Variants in CCDC141 observed in about 807,000 individuals in gnomAD.
The protein encoded by CCDC141 is coiled-coil domain-containing protein 141.
CCDC141 carries 168 observed loss-of-function variants against 181.0 expected under a neutral mutation model. The observed-to-expected ratio is 0.93, with a 90% CI of 0.82 to 1.05. The LOEUF is 1.05. CCDC141 is among the 50% of genes least tolerant of loss of function. The pLI, the probability that CCDC141 is intolerant of heterozygous loss-of-function variation, is 0.00. For missense variants in CCDC141, 1,902 were observed against 1,788.5 expected, an observed-to-expected ratio of 1.06 and a Z score of -1.14; for synonymous variants, 666 against 642.3, an observed-to-expected ratio of 1.04 and a Z score of -0.56.
At chr2:178,924,896 C>G (rs1216029048) in intron 6 of CCDC141, among the ~76,000 whole-genome samples, 1 of 152,204 alleles carries the variant, frequency 6.6e-6, no homozygotes. Flanking sequence ...AGAACTCCAG[C>G]TAGAGTGGTA....
At chr2:178,980,412 T>A (rs1691322062) in intron 2 of CCDC141, among the ~76,000 whole-genome samples, 1 of 151,932 alleles carries the variant, frequency 6.6e-6, no homozygotes, top group African/African-American at 2.4e-5. Context: ...ATCGTGCCAC[T>A]GCACTCCAGC....
At chr2:178,972,964 G>A (rs187690468) in intron 4 of CCDC141, among the ~76,000 whole-genome samples, 141 of 152,256 alleles carry the variant, frequency 9.3e-4, no homozygotes, top group African/African-American at 3.3e-3. Flanking sequence ...TTTGATTATA[G>A]TTTTTCCAGC....
At chr2:178,962,495 T>G (rs1448826238) in intron 4 of CCDC141, among the ~76,000 whole-genome samples, 1 of 152,202 alleles carries the variant, frequency 6.6e-6, no homozygotes, top group Non-Finnish European at 1.5e-5. Flanking sequence ...ATGTGCAGTC[T>G]TCTCTTAATT....
chr2:178,825,855 T>C (rs1684115283), downstream of CCDC141, among the ~76,000 whole-genome samples: 1 of 152,192 alleles, frequency 6.6e-6, no homozygotes, highest in Non-Finnish European at 1.5e-5. Flanking sequence ...TGCTATACTC[T>C]GATTAGTTCC....
intron 2 of CCDC141, among the ~76,000 whole-genome samples, chr2:179,037,536 A>C (rs775081061): frequency 4.6e-5 from 7 of 152,352 alleles, no homozygotes; most frequent in Non-Finnish European, 1.0e-4. Context: ...ATTCTTAAAG[A>C]ATATCATCAA....
At chr2:178,910,454 A>G (rs1011433196) in intron 7 of CCDC141, among the ~76,000 whole-genome samples, 2 of 152,210 alleles carry the variant, frequency 1.3e-5, no homozygotes, top group Non-Finnish European at 2.9e-5. Context: ...CTAAGTGCTG[A>G]GTTGAGTCTA....
At chr2:178,915,973 T>C (rs1222875529) in intron 7 of CCDC141, among the ~76,000 whole-genome samples, 1 of 152,198 alleles carries the variant, frequency 6.6e-6, no homozygotes, top group Non-Finnish European at 1.5e-5. Flanking sequence ...TGTGGCATGC[T>C]GACACTCTGG....
intron 12 of CCDC141, chr2:178,873,742 T>C (rs1287986747): frequency 6.6e-6 from 1 of 152,228 alleles, no homozygotes; most frequent in Non-Finnish European, 1.5e-5. Flanking sequence ...AACACAGTAC[T>C]CATTTTACTT....
the CCDC141 span, among the ~76,000 whole-genome samples, chr2:178,822,429 G>GAA: frequency 1.7e-3 from 252 of 144,088 alleles, 1 homozygote; most frequent in Middle Eastern, 0.029. Context: ...AATCCCTCCT[G>GAA]AAAAAAAAAA....
At chr2:178,884,251 A>C (rs1269497999) in intron 11 of CCDC141, among the ~76,000 whole-genome samples, 3 of 151,434 alleles carry the variant, frequency 2.0e-5, no homozygotes, top group African/African-American at 4.9e-5. Flanking sequence ...AAAAAAAAAA[A>C]AAAACCAGAA....
chr2:179,049,455 T>C (rs1191508550), intron 1 of CCDC141, among the ~76,000 whole-genome samples: 1 of 152,030 alleles, frequency 6.6e-6, no homozygotes, highest in South Asian at 2.1e-4. Flanking sequence ...CTCTCAAAAA[T>C]CACAAGCATT....
intron 16 of CCDC141, among the ~76,000 whole-genome samples, chr2:178,867,650 G>T (rs1330147713): frequency 6.6e-6 from 1 of 151,956 alleles, no homozygotes; most frequent in Non-Finnish European, 1.5e-5. Context: ...CTATACTGAA[G>T]ATCAATTTTT....
At chr2:179,033,217 TA>T (rs2043049021) in intron 2 of CCDC141, among the ~76,000 whole-genome samples, 2 of 150,894 alleles carry the variant, frequency 1.3e-5, no homozygotes, top group African/African-American at 4.8e-5. Context: ...AAACCATGTA[TA>T]AAAATATTCA....
intron 17 of CCDC141, among the ~76,000 whole-genome samples, chr2:178,860,543 CTTTTTTTTTTTTT>C (rs71023458): frequency 1.9e-4 from 10 of 51,356 alleles, no homozygotes; most frequent in East Asian, 1.5e-3. Context: ...AAAAACAACA[CTTTTTTTTTTTTT>C]TTTTTTTTTT....
chr2:178,855,892 T>C (rs1685363850), intron 18 of CCDC141, among the ~76,000 whole-genome samples: 1 of 152,094 alleles, frequency 6.6e-6, no homozygotes, highest in Non-Finnish European at 1.5e-5. Context: ...ATAATCAAGG[T>C]AAGAATAAGA....
chr2:179,009,757 A>C (rs1407036844), intron 2 of CCDC141, among the ~76,000 whole-genome samples: 2 of 152,050 alleles, frequency 1.3e-5, no homozygotes, highest in Non-Finnish European at 2.9e-5. Context: ...TGGCCTCCCC[A>C]AAAAATCACA....
intron 10 of CCDC141, among the ~76,000 whole-genome samples, chr2:178,886,152 G>C (rs1257831577): frequency 6.6e-6 from 1 of 152,156 alleles, no homozygotes; most frequent in Admixed American, 6.5e-5. Flanking sequence ...TCTTCCTGCT[G>C]ACCTGGGAGA....
chr2:179,039,251 T>C (rs1453974942), intron 2 of CCDC141, among the ~76,000 whole-genome samples: 1 of 152,204 alleles, frequency 6.6e-6, no homozygotes, highest in Non-Finnish European at 1.5e-5. Context: ...CGTACAGATA[T>C]TACCAACATT....
At chr2:179,019,940 G>C (rs997150256) in intron 2 of CCDC141, among the ~76,000 whole-genome samples, 3 of 151,762 alleles carry the variant, frequency 2.0e-5, no homozygotes, top group Admixed American at 1.3e-4. Context: ...CTAATTTTTC[G>C]AGACAGAGTT....
Sources: gnomAD v4.1 joint callset for allele counts (sites outside exome capture counted in the v4.1 genomes callset) on GRCh38, gnomAD v4.1.1 for gene constraint, MANE v1.5 for transcripts, NCBI Gene and HGNC (gene_info 2026-07-23, HGNC 2026-07-21) for gene names.